UBR3: variants seen among roughly 807,000 people sequenced by gnomAD.
The protein encoded by UBR3 is ubiquitin protein ligase E3 component n-recognin 3, also known as E3 ubiquitin-protein ligase UBR3.
A neutral mutation model predicts 243.2 loss-of-function variants in UBR3; 85 were observed. That is an observed-to-expected ratio of 0.35 (90% CI 0.29 to 0.42). UBR3 has a LOEUF of 0.42. Ranked by LOEUF, UBR3 falls within the 10% of genes least tolerant of loss-of-function variation. The pLI, the probability that UBR3 is intolerant of heterozygous loss-of-function variation, is 1.00. For missense variants in UBR3, 1,686 were observed against 2,300.8 expected, an observed-to-expected ratio of 0.73 and a Z score of 5.47; for synonymous variants, 748 against 799.8, an observed-to-expected ratio of 0.94 and a Z score of 1.09.
intron 17 of UBR3, among the ~76,000 whole-genome samples, 171 bp downstream of exon 17, chr2:169,927,576 T>C (rs1302396675): frequency 1.1e-4 from 1 of 8,716 alleles, no homozygotes; most frequent in Non-Finnish European, 7.9e-4. Flanking sequence ...CTGGTGACTG[T>C]TTTTTTTTTT....
intron 11 of UBR3, among the ~76,000 whole-genome samples, chr2:169,923,396 T>A (rs12468029): frequency 0.27 from 40,673 of 151,918 alleles, 5,607 homozygotes; most frequent in East Asian, 0.42. Flanking sequence ...TTTCTAAGTT[T>A]GAATTTTGCT....
intron 24 of UBR3, among the ~76,000 whole-genome samples, chr2:169,970,672 G>A (rs1254814220): frequency 8.2e-6 from 1 of 121,942 alleles, no homozygotes; most frequent in Non-Finnish European, 1.8e-5. Context: ...TTTTATGGCT[G>A]CATAGTATTC....
At chr2:170,076,190 A>G (rs78282820) in intron 36 of UBR3, among the ~76,000 whole-genome samples, 6,627 of 152,288 alleles carry the variant, frequency 0.044, 230 homozygotes, top group Non-Finnish European at 0.066. Context: ...GGACAGCCCC[A>G]TCAGAACTGT....
chr2:169,897,960 A>G (rs1233343484), intron 8 of UBR3, among the ~76,000 whole-genome samples: 1 of 152,164 alleles, frequency 6.6e-6, no homozygotes, highest in Non-Finnish European at 1.5e-5. Flanking sequence ...AAGTTAAGCA[A>G]TTTGCCATAG....
At chr2:170,016,738 C>G in intron 30 of UBR3, 1 of 215,470 alleles carries the variant, frequency 4.6e-6, no homozygotes, top group Non-Finnish European at 9.1e-6. Flanking sequence ...ATGAATTTAT[C>G]CAGATTCCTG....
rs906524600 is a variant in UBR3 at position 169,877,654 on chromosome 2, A to G, written c.988+17A>G. 8 of 1,530,972 alleles carry G rather than the reference A, an allele frequency of 5.2e-6. No homozygotes were observed. The Admixed American group carries it at 1.8e-4, about 35-fold the overall frequency. 94.8% of individuals were successfully genotyped at this position (1,530,972 alleles called of 1,614,324 possible). On this transcript the variant is annotated intron_variant, in intron 4 of 38. Coordinates refer to ENST00000272793, the MANE Select transcript of UBR3 (RefSeq NM_172070.4). ...CTGTTCAAGGTTTGTCTAAATATTT[A>G]ATTTGAACAGTTGTAACTTTTCTGT...
At chr2:169,981,836 C>T (rs934221932) in intron 24 of UBR3, among the ~76,000 whole-genome samples, 11 of 151,240 alleles carry the variant, frequency 7.3e-5, no homozygotes, top group African/African-American at 1.7e-4. Context: ...AAAAAGAAAG[C>T]GAATACTCTA....
At chr2:169,831,064 A>G (rs534153835) in intron 1 of UBR3, among the ~76,000 whole-genome samples, 2 of 141,908 alleles carry the variant, frequency 1.4e-5, no homozygotes, top group Admixed American at 1.4e-4. Context: ...CTCATAGGTA[A>G]GTATTATTTT....
At chr2:170,040,369 G>T (rs2090937577) in intron 31 of UBR3, among the ~76,000 whole-genome samples, 1 of 151,828 alleles carries the variant, frequency 6.6e-6, no homozygotes, top group Admixed American at 6.6e-5. Flanking sequence ...GCCTCACAAA[G>T]TGCTGGGATT....
chr2:169,875,798 TG>T lies in UBR3; in HGVS notation c.695del (p.Gly232AspfsTer21). On this transcript the variant is annotated frameshift_variant, in exon 3 of 39. Transcript: ENST00000272793. LOFTEE classifies it high-confidence loss of function. ...REGYNEPAAD[G>X]PSEKDLNKVL... ...TTTCTTTTTTTCTTTTAGCAGCTGATGGACCATCAGAAAAGGACCTTAACAA... is the reference window on the plus strand; with the variant it reads ...TTTCTTTTTTTCTTTTAGCAGCTGATGACCATCAGAAAAGGACCTTAACAA... 6.6e-7 allele frequency: 1 copy of T among 1,522,860 alleles called. No homozygotes were observed. Among genetic ancestry groups the T allele is most frequent in the South Asian group, 1.3e-5 (1 of 77,570 alleles). 94.3% of individuals were successfully genotyped at this position (1,522,860 alleles called of 1,614,324 possible). A position where few individuals can be genotyped will look rare whatever the true frequency, so the allele number is the denominator to read the frequency against.
At chr2:169,835,246 A>C (rs72881255) in intron 1 of UBR3, among the ~76,000 whole-genome samples, 27,097 of 151,938 alleles carry the variant, frequency 0.18, 2,645 homozygotes, top group South Asian at 0.35. Context: ...AGTCCCAGCT[A>C]CTCCCGAGGC....
intron 8 of UBR3, among the ~76,000 whole-genome samples, chr2:169,898,399 A>G (rs2084672199): frequency 6.6e-6 from 1 of 152,218 alleles, no homozygotes; most frequent in African/African-American, 2.4e-5. Flanking sequence ...ACTATATGCT[A>G]GACTCTTTTC....
At chr2:170,035,908 A>AT (rs144232574) in intron 31 of UBR3, among the ~76,000 whole-genome samples, 3,515 of 23,980 alleles carry the variant, frequency 0.15, 272 homozygotes, top group East Asian at 0.51. Flanking sequence ...TAAGTATTTT[A>AT]TTGGGGGGGG....
intron 24 of UBR3, chr2:169,964,591 A>G: frequency 2.6e-6 from 1 of 388,728 alleles, no homozygotes; most frequent in South Asian, 2.1e-5. Flanking sequence ...ATGACGTTTG[A>G]TTGCTTTAGT....
chr2:169,881,743 A>T (rs867005637), intron 5 of UBR3, among the ~76,000 whole-genome samples: 3 of 138,700 alleles, frequency 2.2e-5, no homozygotes, highest in Non-Finnish European at 3.1e-5. Context: ...ATATTATATA[A>T]TATATATTAT....
At chr2:169,935,350 G>C (rs1180503552) in intron 19 of UBR3, among the ~76,000 whole-genome samples, 1 of 152,116 alleles carries the variant, frequency 6.6e-6, no homozygotes, top group African/African-American at 2.4e-5. Context: ...AAAGTGTTTT[G>C]TAGAGGTGGG....
intron 1 of UBR3, among the ~76,000 whole-genome samples, chr2:169,829,193 C>T (rs1166987750): frequency 2.6e-5 from 4 of 151,850 alleles, no homozygotes; most frequent in Admixed American, 6.6e-5. Context: ...ATGTTTGTAC[C>T]TACTATGTGC....
chr2:169,915,559 G>T (rs1347583329), intron 11 of UBR3, among the ~76,000 whole-genome samples: 2 of 152,148 alleles, frequency 1.3e-5, no homozygotes, highest in African/African-American at 2.4e-5. Flanking sequence ...TTTGAAGAAT[G>T]CCTCTCAATT....
At position 169,896,774 on chromosome 2, in the gene UBR3, GTAT is replaced by G. The variant is rs1171563896; in HGVS notation, c.1465+47_1465+49del. ...ATATTCACTAGTTCTATTATTATCA[GTAT>G]TATTATTCTAGTATTATTAGTGTAC... On this transcript the variant is annotated intron_variant, in intron 8 of 38. Transcript: ENST00000272793. 5.7e-6 allele frequency: 8 copies of G among 1,395,996 alleles called. No homozygotes were observed. In the Admixed American group the frequency reaches 1.8e-4, roughly 31 times the overall value. 86.5% of individuals were successfully genotyped at this position (1,395,996 alleles called of 1,614,324 possible). A position where few individuals can be genotyped will look rare whatever the true frequency, so the allele number is the denominator to read the frequency against.
Sources: allele counts gnomAD v4.1 joint callset (sites outside exome capture counted in the v4.1 genomes callset), GRCh38; gene constraint gnomAD v4.1.1; transcripts MANE v1.5; gene names NCBI Gene and HGNC (gene_info 2026-07-23, HGNC 2026-07-21).